The following TCP11L2 variants were observed in gnomAD, a reference collection of about 807,000 sequenced individuals.
TCP11L2 encodes the protein t-complex 11 like 2, also known as T-complex protein 11-like protein 2.
A neutral mutation model predicts 50.7 loss-of-function variants in TCP11L2; 39 were observed. That is an observed-to-expected ratio of 0.77 (90% CI 0.60 to 1.01). TCP11L2 has a LOEUF of 1.01. Ranked by LOEUF, TCP11L2 falls within the 50% of genes least tolerant of loss-of-function variation. The pLI is 0.00. For synonymous variants in TCP11L2, 192 were observed against 219.3 expected (o/e 0.88, Z 1.10); for missense variants, 612 against 614.7 (o/e 1.00, Z 0.05).
chr12:106,313,478 G>A (rs2034935386), intron 2 of TCP11L2, among the ~76,000 whole-genome samples: 1 of 151,874 alleles, frequency 6.6e-6, no homozygotes, highest in Non-Finnish European at 1.5e-5. Flanking sequence ...TACTCGAGAG[G>A]CTGAGGCAGG....
upstream of TCP11L2, among the ~76,000 whole-genome samples, chr12:106,302,320 C>CA (rs199615546): frequency 2.5e-5 from 1 of 40,036 alleles, no homozygotes; most frequent in Non-Finnish European, 5.6e-5. Context: ...AGCCCCCGCT[C>CA]CCCCCGCTCA....
rs1017491718 is a variant in TCP11L2, at chr12:106,330,330, C to T, written c.773-5309C>T. On this transcript the variant is annotated intron_variant, in intron 6 of 9. Transcript: ENST00000299045. ...ATAAAAACTATTTGTCATCTAAGTC[C>T]GTGGTTCTCAACGTGGTTCTCTTAG... The T allele has an allele frequency of 9.1e-6, 9 of 984,900 alleles. No homozygotes were observed. In the South Asian group the frequency reaches 1.9e-4, roughly 21 times the overall value. The allele number at this position is 984,900 out of a possible 1,614,324, so 61.0% of individuals were successfully genotyped here.
chr12:106,301,407 T>A (rs1408500440), upstream of TCP11L2, among the ~76,000 whole-genome samples: 1 of 152,198 alleles, frequency 6.6e-6, no homozygotes, highest in Non-Finnish European at 1.5e-5. Flanking sequence ...TTTCACTTTA[T>A]CCTCAAAATA....
At chr12:106,314,535 CTGTGTGTGTGTGTG>C (rs55918458) in intron 3 of TCP11L2, 42 bp downstream of exon 3, 42 of 707,354 alleles carry the variant, frequency 5.9e-5, no homozygotes, top group East Asian at 2.3e-4. Flanking sequence ...GCTGAAGATT[CTGTGTGTGTGTGTG>C]TGTGTGTGTG....
At chr12:106,322,946 G>GC (rs981045453) in intron 5 of TCP11L2, among the ~76,000 whole-genome samples, 3 of 152,112 alleles carry the variant, frequency 2.0e-5, no homozygotes, top group Non-Finnish European at 4.4e-5. Context: ...GGGTGCCACT[G>GC]CCCCCTGCAC....
intron 4 of TCP11L2, among the ~76,000 whole-genome samples, chr12:106,319,128 G>C (rs376752313): frequency 1.8e-4 from 27 of 151,976 alleles, no homozygotes; most frequent in Admixed American, 3.3e-4. Context: ...AGCCAGGATG[G>C]TCTCGATCTC....
chr12:106,312,517 G>A (rs1231646217), intron 2 of TCP11L2: 44 of 747,756 alleles, frequency 5.9e-5, no homozygotes, highest in Non-Finnish European at 7.0e-5. Flanking sequence ...CCTGAAGAAG[G>A]GTTTTACCAA....
At chr12:106,306,022 G>T (rs2034618291) in intron 1 of TCP11L2, among the ~76,000 whole-genome samples, 1 of 152,178 alleles carries the variant, frequency 6.6e-6, no homozygotes. Flanking sequence ...GCCTTTTCTG[G>T]AGGGCTCTGG....
In TCP11L2 at chr12:106,311,123, C is replaced by A; in HGVS notation, c.48C>A (p.Ser16Arg). 3 of 1,614,186 alleles carry A rather than the reference C, an allele frequency of 1.9e-6. No homozygotes were observed. Among genetic ancestry groups the A allele is most frequent in the Middle Eastern group, 1.6e-4 (1 of 6,062 alleles). The change falls in exon 2 of 10, where the codon AGC (serine) becomes AGA (arginine). Residue 16 changes from serine to arginine, a missense_variant. By Grantham distance (110) the Ser-to-Arg change is moderately radical (BLOSUM62 -1). Coordinates refer to ENST00000299045, the MANE Select transcript of TCP11L2 (RefSeq NM_152772.3). ...EKQCVGEDQPSDSDSSRFSES... is the reference protein window; with the variant it reads ...EKQCVGEDQPRDSDSSRFSES... ...AGTGTGTGGGAGAGGACCAGCCAAG[C>A]GATTCTGATTCTTCCCGGTTTTCCG...
chr12:106,340,958 A>C lies in TCP11L2; in HGVS notation c.1275A>C (p.Ser425=). The C allele has an allele frequency of 6.2e-7, 1 of 1,613,088 alleles. No individual in the cohort carries two copies. The highest frequency in any genetic ancestry group is 8.5e-7 in the Non-Finnish European group (1 of 1,179,698). ...AAGCTAATCTTATAGGTCAATTTTC[A>C]AGCATTGAAGAGGAGGACAATCCTA... ...EIQANLIGQF[S]SIEEEDNPIW... The change falls in exon 9 of 10, where the codon TCA becomes TCC. Residue 425 remains serine, a synonymous_variant. Transcript: ENST00000299045.
At chr12:106,312,923 C>T (rs2034916847) in intron 2 of TCP11L2, among the ~76,000 whole-genome samples, 1 of 152,074 alleles carries the variant, frequency 6.6e-6, no homozygotes, top group South Asian at 2.1e-4. Flanking sequence ...TTACCTGTCA[C>T]TGCTGTTGTT....
In TCP11L2 at chr12:106,336,046, T is replaced by C; in HGVS notation, c.975T>C (p.Asp325=). The change falls in exon 8 of 10, where the codon GAT becomes GAC. Residue 325 remains aspartate, a synonymous_variant. Coordinates refer to ENST00000299045, the MANE Select transcript of TCP11L2 (RefSeq NM_152772.3). ...AAATATGTTAGACACTTATGACAGA[T>C]GGAGCACGTCTTCAGGAACTAACAG... ...KKELPETLMT[D]GARLQELTEK... is the part of the protein sequence containing the mutation. The C allele has an allele frequency of 6.2e-7, 1 of 1,611,036 alleles. No homozygotes were observed. Among genetic ancestry groups the C allele is most frequent in the Non-Finnish European group, 8.5e-7 (1 of 1,179,088 alleles).
At chr12:106,330,429 CAGGG>C in intron 6 of TCP11L2, 2 of 501,232 alleles carry the variant, frequency 4.0e-6, no homozygotes, top group Non-Finnish European at 5.2e-6. Context: ...CCCATCCTGG[CAGGG>C]CAGGGCGGGA....
chr12:106,314,898 G>C (rs1354514225), intron 3 of TCP11L2, among the ~76,000 whole-genome samples: 5 of 151,688 alleles, frequency 3.3e-5, no homozygotes, highest in Non-Finnish European at 7.4e-5. Context: ...ACAGGTACCG[G>C]GGAGGCTGAG....
chr12:106,303,907 T>C (rs1236302409), intron 1 of TCP11L2: 1 of 152,242 alleles, frequency 6.6e-6, no homozygotes, highest in African/African-American at 2.4e-5. Context: ...TAGATGGTTG[T>C]CCTGCTACCT....
At chr12:106,345,908 G>T (rs2036215739) in intron 9 of TCP11L2, among the ~76,000 whole-genome samples, 1 of 152,188 alleles carries the variant, frequency 6.6e-6, no homozygotes. Flanking sequence ...AGATGGAACA[G>T]CTGGGTTTCC....
chr12:106,301,202 C>A (rs1201071577), upstream of TCP11L2, among the ~76,000 whole-genome samples: 1 of 152,096 alleles, frequency 6.6e-6, no homozygotes, highest in Non-Finnish European at 1.5e-5. Context: ...GGGACAGCAC[C>A]TTCTATTTAA....
At chr12:106,330,423 T>C in intron 6 of TCP11L2, 1 of 554,792 alleles carries the variant, frequency 1.8e-6, no homozygotes, top group Non-Finnish European at 2.3e-6. Flanking sequence ...GTATGTCCCA[T>C]CCTGGCAGGG....
At chr12:106,324,881 C>G (rs952803249) in intron 6 of TCP11L2, 5 of 152,054 alleles carry the variant, frequency 3.3e-5, no homozygotes, top group Non-Finnish European at 7.4e-5. Flanking sequence ...ATCAAGAGTT[C>G]AGTTTGGTGA....
Sources: gnomAD v4.1 joint callset for allele counts (sites outside exome capture counted in the v4.1 genomes callset) on GRCh38, gnomAD v4.1.1 for gene constraint, MANE v1.5 for transcripts, NCBI Gene and HGNC (gene_info 2026-07-23, HGNC 2026-07-21) for gene names.